The following VSTM2B variants were observed in gnomAD, a reference collection of about 807,000 sequenced individuals.
VSTM2B encodes V-set and transmembrane domain containing 2B.
Under a neutral mutation model 24.0 loss-of-function variants are expected in VSTM2B, and 24 were observed. The observed-to-expected ratio is 1.00, with a 90% CI of 0.72 to 1.40. VSTM2B has a LOEUF of 1.40. VSTM2B is among the 40% of genes most tolerant of loss of function. VSTM2B has a pLI of 0.00. For missense variants in VSTM2B, 399 were observed against 416.4 expected (o/e 0.96, Z 0.36); for synonymous variants, 226 against 194.4 (o/e 1.16, Z -1.35).
At chr19:29,527,045 C>T (rs560406763) in intron 1 of VSTM2B, 166 bp from the exon 2 acceptor site, 2 of 624,686 alleles carry the variant, frequency 3.2e-6, no homozygotes, top group Non-Finnish European at 5.4e-6. Context: ...CTCGGCCCTG[C>T]AGCCGCTTCC....
intron 4 of VSTM2B, among the ~76,000 whole-genome samples, chr19:29,563,076 C>T (rs961550601): frequency 3.3e-5 from 5 of 151,924 alleles, no homozygotes; most frequent in East Asian, 3.9e-4. Flanking sequence ...AGACAGGGTG[C>T]GTGGGAGTGT....
chr19:29,552,212 A>G (rs1222271142), intron 4 of VSTM2B, among the ~76,000 whole-genome samples: 1 of 152,238 alleles, frequency 6.6e-6, no homozygotes, highest in Non-Finnish European at 1.5e-5. Flanking sequence ...CCTGGAAGCC[A>G]GACTTCCTTG....
At chr19:29,529,713 C>A in intron 3 of VSTM2B, 106 bp from the exon 4 acceptor site, 1 of 1,134,968 alleles carries the variant, frequency 8.8e-7, no homozygotes, top group Non-Finnish European at 1.3e-6. Flanking sequence ...AAACCAGGAT[C>A]CGGGAAGTGT....
chr19:29,545,525 A>G (rs915193561), intron 4 of VSTM2B, among the ~76,000 whole-genome samples: 3 of 152,188 alleles, frequency 2.0e-5, no homozygotes, highest in Non-Finnish European at 4.4e-5. Context: ...AGGCAGGAGA[A>G]TGACTTGAAC....
intron 4 of VSTM2B, among the ~76,000 whole-genome samples, chr19:29,561,571 G>C (rs1970527122): frequency 6.6e-6 from 1 of 152,166 alleles, no homozygotes; most frequent in Non-Finnish European, 1.5e-5. Context: ...TTTGCAGTGA[G>C]CTGAGATTGC....
intron 4 of VSTM2B, 144 bp downstream of exon 4, chr19:29,530,434 C>A: frequency 1.5e-6 from 1 of 687,912 alleles, no homozygotes; most frequent in Non-Finnish European, 2.1e-6. Flanking sequence ...AGGTCGGGAG[C>A]GCCCCCCCCA....
chr19:29,529,968 C>T lies in VSTM2B; in HGVS notation c.447C>T (p.Leu149=), dbSNP rs547562401. 19 of 1,547,240 alleles carry T rather than the reference C, an allele frequency of 1.2e-5. No homozygotes were observed. The highest frequency in any genetic ancestry group is 2.7e-5 in the African/African-American group (2 of 73,166). Residue 149 remains leucine (L), a synonymous_variant, in exon 4 of 5, where the codon CTC becomes CTT. Transcript: ENST00000335523. ...EHKAQAMLRV[L]SRFAPPNMQA... is the part of the protein sequence containing the mutation. ...AGGCCCAGGCGATGCTGCGCGTGCTCTCGCGCTTCGCGCCGCCCAACATGC... is the reference window on the plus strand; with the variant it reads ...AGGCCCAGGCGATGCTGCGCGTGCTTTCGCGCTTCGCGCCGCCCAACATGC...
At chr19:29,557,414 G>A (rs1380056822) in intron 4 of VSTM2B, among the ~76,000 whole-genome samples, 5 of 152,128 alleles carry the variant, frequency 3.3e-5, no homozygotes, top group Non-Finnish European at 7.4e-5. Flanking sequence ...AGACTTAAAT[G>A]TAAGCTGGGC....
intron 4 of VSTM2B, among the ~76,000 whole-genome samples, chr19:29,550,532 A>G (rs1171224967): frequency 6.6e-6 from 1 of 151,946 alleles, no homozygotes; most frequent in Non-Finnish European, 1.5e-5. Flanking sequence ...TGTCTGTGAG[A>G]CCTCCATGGT....
Position 29,547,528 on chromosome 19 carries a change from C to T in VSTM2B, c.770-16318C>T, listed in dbSNP as rs145276470. On this transcript the variant is annotated intron_variant, in intron 4 of 4. Coordinates refer to ENST00000335523, the MANE Select transcript of VSTM2B (RefSeq NM_001146339.2). ...GACTAGAGGTCATCAGTTGCAACAC[C>T]AGGCAATTGCCATGTCCTGGTTTTG... is the stretch of plus-strand genomic sequence containing the variant. 3.7e-3 allele frequency among the ~76,000 whole-genome samples: 560 copies of T among 152,290 alleles called. 4 individuals carry two copies. Among genetic ancestry groups the T allele is most frequent in the African/African-American group, 0.013 (530 of 41,564 alleles).
intron 4 of VSTM2B, among the ~76,000 whole-genome samples, chr19:29,557,992 C>T (rs966918879): frequency 6.6e-6 from 1 of 151,942 alleles, no homozygotes; most frequent in Admixed American, 6.6e-5. Flanking sequence ...GGAACTTAAA[C>T]AAATTTACAA....
intron 4 of VSTM2B, among the ~76,000 whole-genome samples, chr19:29,539,410 G>T (rs1307309887): frequency 1.3e-5 from 2 of 152,106 alleles, no homozygotes; most frequent in African/African-American, 4.8e-5. Context: ...CTCCAGGGGA[G>T]AAGTGGGGAG....
chr19:29,526,955 G>A lies in VSTM2B; in HGVS notation c.83-256G>A. ...CCAGGCTCTGGCGGTGCGGCCAGGG[G>A]CGGGGGAGAAGCACGAGTCGCCCCT... On this transcript the variant is annotated intron_variant, in intron 1 of 4. Transcript: ENST00000335523. This position sits in a 1 kb window ranked among gnomAD's most constrained non-coding sequence, Gnocchi z 4.1. 2.1e-6 allele frequency: 1 copy of A among 472,690 alleles called. No homozygotes were observed. The highest frequency in any genetic ancestry group is 3.7e-6 in the Non-Finnish European group (1 of 272,190). 29.3% of individuals were successfully genotyped at this position (472,690 alleles called of 1,614,324 possible). A position where few individuals can be genotyped will look rare whatever the true frequency, so the allele number is the denominator to read the frequency against.
chr19:29,556,837 A>T (rs1385537355), intron 4 of VSTM2B, among the ~76,000 whole-genome samples: 2 of 152,208 alleles, frequency 1.3e-5, no homozygotes, highest in African/African-American at 4.8e-5. Context: ...GAAGTGAAGG[A>T]TCTCTTCAAA....
intron 4 of VSTM2B, among the ~76,000 whole-genome samples, chr19:29,536,722 C>T (rs1302219714): frequency 1.3e-5 from 2 of 152,110 alleles, no homozygotes; most frequent in Non-Finnish European, 2.9e-5. Flanking sequence ...GGAGTGGTAG[C>T]CCCCAAGAAA....
Position 29,526,526 on chromosome 19 carries a change from A to G in VSTM2B, c.-58A>G. 1 of 1,397,570 alleles carries G rather than the reference A, an allele frequency of 7.2e-7. No individual in the cohort carries two copies. The highest frequency in any genetic ancestry group is 9.5e-7 in the Non-Finnish European group (1 of 1,053,150). The allele number at this position is 1,397,570 out of a possible 1,614,324, so 86.6% of individuals were successfully genotyped here. A position where few individuals can be genotyped will look rare whatever the true frequency, so the allele number is the denominator to read the frequency against. ...CCCGAGCCGGAGCCGATCCGAGCCC[A>G]CGCGGCCGCCGCCTCTCCGCTCCCG... is the stretch of plus-strand genomic sequence containing the variant. On this transcript the variant is annotated 5_prime_UTR_variant, in exon 1 of 5. Transcript: ENST00000335523. The surrounding 1 kb of genome is among the most constrained non-coding windows in gnomAD (Gnocchi z 4.1).
chr19:29,563,374 G>A (rs1970579245), intron 4 of VSTM2B, among the ~76,000 whole-genome samples: 1 of 151,856 alleles, frequency 6.6e-6, no homozygotes, highest in East Asian at 1.9e-4. Flanking sequence ...CTTCTGAGCA[G>A]CTGGGAATAC....
chr19:29,538,881 C>G (rs1969958858), intron 4 of VSTM2B, among the ~76,000 whole-genome samples: 1 of 152,176 alleles, frequency 6.6e-6, no homozygotes, highest in Non-Finnish European at 1.5e-5. Flanking sequence ...AGTTACCTCC[C>G]ACCGGGACCC....
At chr19:29,557,350 G>A (rs892397691) in intron 4 of VSTM2B, among the ~76,000 whole-genome samples, 3 of 152,202 alleles carry the variant, frequency 2.0e-5, no homozygotes, top group African/African-American at 7.2e-5. Context: ...GCAGAAAATT[G>A]AAACTGGACC....
Sources: allele counts gnomAD v4.1 joint callset (sites outside exome capture counted in the v4.1 genomes callset), GRCh38; gene constraint gnomAD v4.1.1; non-coding constraint Gnocchi (gnomAD v3.1); transcripts MANE v1.5; gene names NCBI Gene and HGNC (gene_info 2026-07-23, HGNC 2026-07-21).